Variants in SH3PXD2A observed in about 807,000 individuals in gnomAD.
SH3PXD2A encodes the protein SH3 and PX domains 2A.
SH3PXD2A carries 32 observed loss-of-function variants against 115.2 expected under a neutral mutation model. The observed-to-expected ratio is 0.28, with a 90% CI of 0.21 to 0.37. The LOEUF is 0.37. Ranked by LOEUF, SH3PXD2A falls within the 10% of genes least tolerant of loss-of-function variation. The pLI is 1.00. For synonymous variants in SH3PXD2A, 610 were observed against 629.1 expected, an observed-to-expected ratio of 0.97 and a Z score of 0.45; for missense variants, 1,328 against 1,498.7, an observed-to-expected ratio of 0.89 and a Z score of 1.88.
Position 103,602,743 on chromosome 10 carries a change from G to T in SH3PXD2A, c.2475C>A (p.Leu825=). ...TGGGACATGGGGGAGTGGTGGCTGG[G>T]AGGGTGATGAGGTCGGATGAGCTTC... ...SRRSSSDLIT[L]PATTPPCPTK... The change falls in exon 15 of 15, where the codon CTC becomes CTA. Residue 825 remains leucine (L), a synonymous_variant. Transcript: ENST00000369774. 6.2e-7 allele frequency: 1 copy of T among 1,614,108 alleles called. No individual in the cohort carries two copies. Among genetic ancestry groups the T allele is most frequent in the Middle Eastern group, 1.6e-4 (1 of 6,062 alleles).
chr10:103,628,444 C>G (rs549581399), intron 8 of SH3PXD2A, among the ~76,000 whole-genome samples: 49 of 152,084 alleles, frequency 3.2e-4, no homozygotes, highest in African/African-American at 1.2e-3. Context: ...GAGGTCCAGG[C>G]CTATGTGGCT....
At chr10:103,605,695 G>C (rs1194129477) in intron 14 of SH3PXD2A, 103 bp downstream of exon 14, 1 of 1,418,212 alleles carries the variant, frequency 7.1e-7, no homozygotes, top group Middle Eastern at 1.8e-4. Flanking sequence ...TTTCCTGCCT[G>C]CCTGCCCCTC....
chr10:103,742,286 C>G (rs2038452499), intron 3 of SH3PXD2A, among the ~76,000 whole-genome samples: 1 of 152,152 alleles, frequency 6.6e-6, no homozygotes, highest in Non-Finnish European at 1.5e-5. Context: ...TCTGAGGGCT[C>G]CAGGCATCTC....
chr10:103,735,810 T>TG lies in SH3PXD2A; in HGVS notation c.230-3dup, dbSNP rs759050913. ...GGCTTCTGCGGAAGAGGATCTTGCCTGGAAGAGAGATGCTCATGAGTGGGG... is the reference window on the plus strand; with the variant it reads ...GGCTTCTGCGGAAGAGGATCTTGCCTGGGAAGAGAGATGCTCATGAGTGGGG... On this transcript the variant is annotated splice_region_variant and splice_polypyrimidine_tract_variant and intron_variant, in intron 3 of 14. Transcript: ENST00000369774. The TG allele has an allele frequency of 5.6e-6, 9 of 1,612,952 alleles. No homozygotes were observed. Among genetic ancestry groups the TG allele is most frequent in the African/African-American group, 2.7e-5 (2 of 74,898 alleles).
chr10:103,668,275 G>A lies in SH3PXD2A; in HGVS notation c.472+333C>T, dbSNP rs562555770. 5.9e-5 allele frequency among the ~76,000 whole-genome samples: 9 copies of A among 152,382 alleles called. No individual in the cohort carries two copies. The South Asian group carries it at 8.3e-4, about 14-fold the overall frequency. ...ACTTTCTGTGTGCCAGGCTCCCCAC[G>A]AGGTGGGATGGCTTCCCCTTAGGGA... On this transcript the variant is annotated intron_variant, in intron 7 of 14. Coordinates refer to ENST00000369774, the MANE Select transcript of SH3PXD2A (RefSeq NM_001394015.1).
chr10:103,853,144 C>T (rs1013864805), intron 1 of SH3PXD2A, among the ~76,000 whole-genome samples: 1 of 152,176 alleles, frequency 6.6e-6, no homozygotes, highest in African/African-American at 2.4e-5. Flanking sequence ...ACTCGGGAAG[C>T]GGAGATGTCC....
intron 3 of SH3PXD2A, among the ~76,000 whole-genome samples, chr10:103,743,932 C>T (rs1032055273): frequency 5.3e-5 from 8 of 152,318 alleles, no homozygotes; most frequent in South Asian, 2.1e-4. Flanking sequence ...CAGGGTCTCG[C>T]TAGGGAAGAG....
At chr10:103,815,727 A>G (rs933793607) in intron 1 of SH3PXD2A, among the ~76,000 whole-genome samples, 1 of 151,718 alleles carries the variant, frequency 6.6e-6, no homozygotes, top group African/African-American at 2.4e-5. Context: ...CGTCTCTACT[A>G]AAAATACAAG....
At chr10:103,803,043 G>A (rs1017179825) in intron 1 of SH3PXD2A, among the ~76,000 whole-genome samples, 13 of 152,240 alleles carry the variant, frequency 8.5e-5, no homozygotes, top group African/African-American at 2.4e-4. Flanking sequence ...TGCCACAGGC[G>A]TGGTGAGGCT....
At chr10:103,797,412 C>T (rs570884988) in intron 2 of SH3PXD2A, among the ~76,000 whole-genome samples, 3 of 152,120 alleles carry the variant, frequency 2.0e-5, no homozygotes, top group East Asian at 3.9e-4. Context: ...AGGTTCTCTC[C>T]ATCTCTCCCA....
intron 3 of SH3PXD2A, among the ~76,000 whole-genome samples, chr10:103,760,499 A>T (rs1266869872): frequency 1.3e-5 from 2 of 152,066 alleles, no homozygotes; most frequent in African/African-American, 4.8e-5. Flanking sequence ...GAGCCTCTGA[A>T]GTGGAGGCTG....
chr10:103,807,685 C>T (rs867332495), intron 1 of SH3PXD2A, among the ~76,000 whole-genome samples: 3 of 152,302 alleles, frequency 2.0e-5, no homozygotes, highest in Admixed American at 6.5e-5. Flanking sequence ...AATGTACATG[C>T]TCCTTGTTCC....
At chr10:103,801,892 C>T (rs1040958842) in intron 1 of SH3PXD2A, among the ~76,000 whole-genome samples, 2 of 152,134 alleles carry the variant, frequency 1.3e-5, no homozygotes, top group African/African-American at 4.8e-5. Context: ...TTAGTAGAGA[C>T]GGGGTTTCGC....
intron 1 of SH3PXD2A, among the ~76,000 whole-genome samples, chr10:103,845,836 A>C (rs1254517034): frequency 6.6e-6 from 1 of 152,202 alleles, no homozygotes; most frequent in Admixed American, 6.5e-5. Context: ...GCCTCAAAAA[A>C]GGAAAACAAC....
intron 8 of SH3PXD2A, among the ~76,000 whole-genome samples, chr10:103,631,910 G>A (rs554940734): frequency 1.3e-5 from 2 of 152,198 alleles, no homozygotes; most frequent in South Asian, 2.1e-4. Flanking sequence ...TTGAGCCCAG[G>A]AGTTCCAGAC....
Position 103,600,674 on chromosome 10 carries a change from G to A in SH3PXD2A, c.*1142C>T, listed in dbSNP as rs1290581519. ...AGGGTTTTTGCCCCTCTGAGGTTGTGCAGGAACCAGAAGAACAGTTTCTCT... is the reference window on the plus strand; with the variant it reads ...AGGGTTTTTGCCCCTCTGAGGTTGTACAGGAACCAGAAGAACAGTTTCTCT... On this transcript the variant is annotated 3_prime_UTR_variant, in exon 15 of 15. Transcript: ENST00000369774. The A allele has an allele frequency of 2.6e-5, 4 of 152,232 alleles. No homozygotes were observed. The highest frequency in any genetic ancestry group is 9.6e-5 in the African/African-American group (4 of 41,458). The allele number at this position is 152,232 out of a possible 1,614,324, so 9.4% of individuals were successfully genotyped here.
In SH3PXD2A at chr10:103,666,381, A is replaced by T. The variant is rs1052098322; in HGVS notation, c.472+2227T>A. ...AATCCCAGTTTCCCAATTCTCCCCA[A>T]GCATCTCTGTCCTCCAGGAGGCTCC... On this transcript the variant is annotated intron_variant, in intron 7 of 14. Transcript: ENST00000369774. This position sits in a 1 kb window ranked among gnomAD's most constrained non-coding sequence, Gnocchi z 4.5. Among the ~76,000 whole-genome samples, 1 of 152,110 alleles carries T rather than the reference A, an allele frequency of 6.6e-6. No homozygotes were observed. Among genetic ancestry groups the T allele is most frequent in the African/African-American group, 2.4e-5 (1 of 41,418 alleles).
At chr10:103,769,252 T>C (rs1166237818) in intron 2 of SH3PXD2A, among the ~76,000 whole-genome samples, 1 of 151,926 alleles carries the variant, frequency 6.6e-6, no homozygotes, top group African/African-American at 2.4e-5. Flanking sequence ...CACACAATTT[T>C]AGGATTGTCT....
At position 103,615,675 on chromosome 10, in the gene SH3PXD2A, G is replaced by A. The variant is rs543176459; in HGVS notation, c.920+1522C>T. 1.1e-3 allele frequency among the ~76,000 whole-genome samples: 172 copies of A among 152,204 alleles called. 1 individual carries two copies. Among genetic ancestry groups the A allele is most frequent in the Non-Finnish European group, 1.7e-3 (113 of 68,018 alleles). ...CCGGGTTTTCTCAGTCCAAGCTCCT[G>A]CTGGCTGTAAGACTAGGCCATGGGG... On this transcript the variant is annotated intron_variant, in intron 11 of 14. Transcript: ENST00000369774.
Sources: allele counts gnomAD v4.1 joint callset (sites outside exome capture counted in the v4.1 genomes callset), GRCh38; gene constraint gnomAD v4.1.1; non-coding constraint Gnocchi (gnomAD v3.1); transcripts MANE v1.5; gene names NCBI Gene and HGNC (gene_info 2026-07-23, HGNC 2026-07-21).